The following IRAG2 variants were observed in gnomAD, a reference collection of about 807,000 sequenced individuals.
IRAG2 encodes the protein inositol 1,4,5-triphosphate receptor associated 2.
IRAG2 carries 45 observed loss-of-function variants against 69.9 expected under a neutral mutation model. That is an observed-to-expected ratio of 0.64 (90% CI 0.51 to 0.83). The LOEUF (loss-of-function observed/expected upper bound fraction) is 0.83. Ranked by LOEUF, IRAG2 falls within the 40% of genes least tolerant of loss-of-function variation. The pLI is 0.00. For synonymous variants in IRAG2, 193 were observed against 202.4 expected, an observed-to-expected ratio of 0.95 and a Z score of 0.40; for missense variants, 520 against 587.0, an observed-to-expected ratio of 0.89 and a Z score of 1.18.
intron 1 of IRAG2, among the ~76,000 whole-genome samples, chr12:25,054,131 T>C (rs2139900807): frequency 6.6e-6 from 1 of 152,318 alleles, no homozygotes; most frequent in East Asian, 1.9e-4. Context: ...AACATATTAT[T>C]GTCATAATTT....
At chr12:25,084,652 C>G (rs78969031) in intron 10 of IRAG2, among the ~76,000 whole-genome samples, 1,790 of 152,044 alleles carry the variant, frequency 0.012, 25 homozygotes, top group Middle Eastern at 0.051. Context: ...TGCAAGCTAA[C>G]TCAAGTTAAG....
chr12:25,021,452 TAAA>T (rs140797007), intron 7 of IRAG2, among the ~76,000 whole-genome samples: 1 of 151,116 alleles, frequency 6.6e-6, no homozygotes, highest in Non-Finnish European at 1.5e-5. Context: ...TTCTCAGATT[TAAA>T]AAAAAACAGT....
intron 14 of IRAG2, among the ~76,000 whole-genome samples, chr12:25,094,267 TGTAAG>T (rs1443364030): frequency 6.6e-6 from 1 of 152,210 alleles, no homozygotes; most frequent in Non-Finnish European, 1.5e-5. Flanking sequence ...TCATATATGA[TGTAAG>T]GTAAGGGTCC....
At chr12:25,033,908 G>T in exon 13 of IRAG2, 1 of 398,924 alleles carries the variant, frequency 2.5e-6, no homozygotes, top group African/African-American at 2.1e-5. Context: ...AAGGAGAAAA[G>T]TCTTTACATT....
intron 8 of IRAG2, 89 bp from the exon 9 acceptor site, chr12:25,079,567 C>T: frequency 7.8e-7 from 1 of 1,281,376 alleles, no homozygotes; most frequent in Non-Finnish European, 1.1e-6. Context: ...AGAACATAGG[C>T]AAATACTCCT....
intron 4 of IRAG2, among the ~76,000 whole-genome samples, chr12:25,064,068 C>T (rs1312670853): frequency 6.6e-6 from 1 of 152,072 alleles, no homozygotes; most frequent in South Asian, 2.1e-4. Context: ...TGGGAGGCCA[C>T]AGCAGGTGGG....
chr12:25,056,538 C>T (rs922700419), intron 1 of IRAG2, among the ~76,000 whole-genome samples: 1 of 152,178 alleles, frequency 6.6e-6, no homozygotes, highest in Non-Finnish European at 1.5e-5. Context: ...CTCTGAGCTT[C>T]AGTATCCTCT....
In IRAG2 at chr12:25,029,321, C is replaced by T. The variant is rs192298977; in HGVS notation, c.1462-957C>T. ...AACCAGTGGAAAGAGCCAGAAGACA[C>T]GGGTTCAGATCCTGTCTTTTCTACT... On this transcript the variant is annotated intron_variant, in intron 9 of 38. Coordinates refer to the IRAG2 transcript ENST00000636465. Among the ~76,000 whole-genome samples the T allele has an allele frequency of 6.0e-4, 92 of 152,300 alleles. No homozygotes were observed. The East Asian group carries it at 0.015, about 26-fold the overall frequency.
chr12:25,060,807 T>A (rs1200664777), intron 1 of IRAG2, among the ~76,000 whole-genome samples: 1 of 151,018 alleles, frequency 6.6e-6, no homozygotes, highest in Non-Finnish European at 1.5e-5. Context: ...ATTACAGGCA[T>A]GCGCCACCAC....
At chr12:25,029,809 T>A (rs987963978) in intron 9 of IRAG2, among the ~76,000 whole-genome samples, 1 of 152,142 alleles carries the variant, frequency 6.6e-6, no homozygotes, top group African/African-American at 2.4e-5. Context: ...GCCTCCCGAG[T>A]GCCTGAGACT....
chr12:25,004,081 A>C (rs1430541627), upstream of IRAG2, among the ~76,000 whole-genome samples: 1 of 152,162 alleles, frequency 6.6e-6, no homozygotes, highest in Non-Finnish European at 1.5e-5. Context: ...ATGGGTGTGA[A>C]GAGCTTAGTA....
At chr12:25,107,684 A>C (rs763856951) in intron 21 of IRAG2, 133 bp from the exon 22 acceptor site, 8 of 773,040 alleles carry the variant, frequency 1.0e-5, no homozygotes, top group Non-Finnish European at 1.7e-5. Context: ...CAAAATGATA[A>C]ATCATAATAT....
At chr12:25,079,616 T>A (rs1392221130) in intron 8 of IRAG2, 40 bp from the exon 9 acceptor site, 1 of 1,315,126 alleles carries the variant, frequency 7.6e-7, no homozygotes, top group Non-Finnish European at 1.1e-6. Flanking sequence ...TATAATATTA[T>A]GTGCATAGTA....
In IRAG2 at chr12:25,041,085, TG is replaced by T. The variant is rs1379822216; in HGVS notation, c.2144+2949del. Among the ~76,000 whole-genome samples, 6 of 152,264 alleles carry T rather than the reference TG, an allele frequency of 3.9e-5. No individual in the cohort carries two copies. The East Asian group carries it at 1.2e-3, about 29-fold the overall frequency. On this transcript the variant is annotated intron_variant, in intron 16 of 38. Coordinates refer to the IRAG2 transcript ENST00000636465. ...TGGGGCGAGGGAGTGAGCTATGTGA[TG>T]ATCCGGGTGTGTTCCAGGCAGAGCA...
chr12:25,034,047 G>A (rs1944688251), intron 13 of IRAG2: 1 of 396,194 alleles, frequency 2.5e-6, no homozygotes, highest in Admixed American at 4.4e-5. Context: ...AACTACCAGT[G>A]ACACTGAGAG....
chr12:25,104,068 A>AT lies in IRAG2; in HGVS notation c.1046+14dup, dbSNP rs775042862. 3.7e-6 allele frequency: 6 copies of AT among 1,612,132 alleles called. No individual in the cohort carries two copies. The highest frequency in any genetic ancestry group is 5.1e-6 in the Non-Finnish European group (6 of 1,179,100). ...GAAGGTCAAGCAGTTGGTAAGTGTA[A>AT]TTTTATGGTTCCTCTTTGGGAACCT... On this transcript the variant is annotated intron_variant, in intron 19 of 21. Transcript: ENST00000556887.
Position 25,079,778 on chromosome 12 carries a change from G to T in IRAG2, c.244+15G>T. 6.6e-7 allele frequency: 1 copy of T among 1,522,994 alleles called. No homozygotes were observed. The highest frequency in any genetic ancestry group is 1.4e-5 in the African/African-American group (1 of 73,258). The allele number at this position is 1,522,994 out of a possible 1,614,324, so 94.3% of individuals were successfully genotyped here. A position where few individuals can be genotyped will look rare whatever the true frequency, so the allele number is the denominator to read the frequency against. ...AGAGGCCCAAGGTAAAATGTTGACA[G>T]GTGTAAGCATGATTTTAATTCTAAA... On this transcript the variant is annotated intron_variant, in intron 9 of 21. Coordinates refer to ENST00000556887, the MANE Select transcript of IRAG2 (RefSeq NM_001366544.2).
intron 5 of IRAG2, among the ~76,000 whole-genome samples, chr12:25,067,353 A>G (rs1396726261): frequency 6.6e-5 from 10 of 152,078 alleles, no homozygotes; most frequent in Admixed American, 5.2e-4. Flanking sequence ...AATTTTCCAC[A>G]CACCAATCAC....
chr12:25,092,739 TTAAA>T (rs2140185103), intron 14 of IRAG2: 1 of 155,996 alleles, frequency 6.4e-6, no homozygotes, highest in Non-Finnish European at 1.4e-5. Context: ...TGTTCCTACT[TTAAA>T]TAACACCTGG....
Sources: gnomAD v4.1 joint callset for allele counts (sites outside exome capture counted in the v4.1 genomes callset) on GRCh38, gnomAD v4.1.1 for gene constraint, MANE v1.5 for transcripts, NCBI Gene and HGNC (gene_info 2026-07-23, HGNC 2026-07-21) for gene names.